The following CNTN4 variants were observed in gnomAD, a reference collection of about 807,000 sequenced individuals.
The protein encoded by CNTN4 is contactin-4.
Under a neutral mutation model 122.5 loss-of-function variants are expected in CNTN4, and 77 were observed. The observed-to-expected ratio is 0.63, with a 90% CI of 0.52 to 0.76. CNTN4 has a LOEUF of 0.76. CNTN4 is among the 30% of genes least tolerant of loss of function. CNTN4 has a pLI of 0.00. For synonymous variants in CNTN4, 512 were observed against 447.0 expected (o/e 1.15, Z -1.83); for missense variants, 1,256 against 1,259.1 (o/e 1.00, Z 0.04).
intron 4 of CNTN4, among the ~76,000 whole-genome samples, chr3:2,729,380 C>CTA (rs1559437998): frequency 1.3e-5 from 2 of 148,432 alleles, no homozygotes; most frequent in African/African-American, 2.5e-5. Flanking sequence ...CCGGCTAACA[C>CTA]AAAATTAACA....
In CNTN4 at chr3:2,543,495, C is replaced by T. The variant is rs377351032; in HGVS notation, c.-88-27921C>T. Among the ~76,000 whole-genome samples, 132 of 152,126 alleles carry T rather than the reference C, an allele frequency of 8.7e-4. 1 individual carries two copies. The highest frequency in any genetic ancestry group is 1.8e-4 in the Non-Finnish European group (12 of 67,980). On this transcript the variant is annotated intron_variant, in intron 3 of 24. Coordinates refer to ENST00000418658, the MANE Select transcript of CNTN4 (RefSeq NM_175607.3). ...CCCTGGGAGGGGATAACAGTGTGTA[C>T]GGGTTTAGCACTGGACTCTGCTGTG...
intron 4 of CNTN4, among the ~76,000 whole-genome samples, chr3:2,593,350 C>T (rs2080593441): frequency 6.6e-6 from 1 of 152,152 alleles, no homozygotes; most frequent in Non-Finnish European, 1.5e-5. Context: ...AATGAATCTA[C>T]CTCTGTTAAC....
intron 3 of CNTN4, among the ~76,000 whole-genome samples, chr3:2,546,971 T>C (rs565350347): frequency 5.2e-4 from 79 of 152,254 alleles, no homozygotes; most frequent in African/African-American, 1.9e-3. Flanking sequence ...TATTGAGTAC[T>C]TGAGAGATCC....
intron 7 of CNTN4, among the ~76,000 whole-genome samples, chr3:2,821,727 T>C (rs1576933734): frequency 6.6e-6 from 1 of 152,146 alleles, no homozygotes; most frequent in Non-Finnish European, 1.5e-5. Flanking sequence ...GTTTAATAAG[T>C]AGTAATATTT....
intron 23 of CNTN4, among the ~76,000 whole-genome samples, chr3:3,048,246 A>C (rs548197341): frequency 2.0e-5 from 3 of 152,200 alleles, no homozygotes; most frequent in Admixed American, 1.3e-4. Context: ...AAAACACACA[A>C]AAAAATACAA....
chr3:2,519,580 A>G (rs992177770), intron 3 of CNTN4, among the ~76,000 whole-genome samples: 5 of 152,174 alleles, frequency 3.3e-5, no homozygotes, highest in Non-Finnish European at 7.3e-5. Flanking sequence ...ACCCAGAACC[A>G]AAGACCTGCA....
At chr3:2,195,575 T>C (rs962582728) in intron 2 of CNTN4, among the ~76,000 whole-genome samples, 1 of 152,186 alleles carries the variant, frequency 6.6e-6, no homozygotes, top group African/African-American at 2.4e-5. Flanking sequence ...AGATAAGACA[T>C]ATGGGAGGGA....
chr3:2,869,117 T>C (rs992658531), intron 8 of CNTN4, among the ~76,000 whole-genome samples: 3 of 152,166 alleles, frequency 2.0e-5, no homozygotes, highest in Admixed American at 6.6e-5. Context: ...AGAGTTTTAA[T>C]CTTAATTAGA....
At chr3:2,560,214 C>G (rs564200109) in intron 3 of CNTN4, among the ~76,000 whole-genome samples, 2 of 151,830 alleles carry the variant, frequency 1.3e-5, no homozygotes, top group African/African-American at 4.8e-5. Context: ...AATCATGGCT[C>G]ACTGCAGCCT....
intron 2 of CNTN4, among the ~76,000 whole-genome samples, chr3:2,238,237 G>A (rs1028314445): frequency 6.6e-6 from 1 of 152,010 alleles, no homozygotes; most frequent in East Asian, 1.9e-4. Flanking sequence ...TATCTTCTAG[G>A]AATTGTATAA....
At chr3:2,158,361 ATAAT>A (rs1204347742) in intron 2 of CNTN4, among the ~76,000 whole-genome samples, 1 of 152,246 alleles carries the variant, frequency 6.6e-6, no homozygotes, top group African/African-American at 2.4e-5. Context: ...TATTTCATTA[ATAAT>A]TAAGACAGAC....
intron 2 of CNTN4, among the ~76,000 whole-genome samples, chr3:2,103,680 C>G (rs1173870449): frequency 6.6e-6 from 1 of 151,934 alleles, no homozygotes; most frequent in Non-Finnish European, 1.5e-5. Context: ...GAAAGGAAAC[C>G]CTCTTCTTTT....
chr3:2,209,684 A>G lies in CNTN4; in HGVS notation c.-145+109045A>G, dbSNP rs115159017. Among the ~76,000 whole-genome samples the G allele has an allele frequency of 6.0e-3, 911 of 152,262 alleles. 4 individuals carry two copies. The highest frequency in any genetic ancestry group is 0.021 in the African/African-American group (887 of 41,570). On this transcript the variant is annotated intron_variant, in intron 2 of 24. Transcript: ENST00000418658. ...GAGATTTTGACTTTATGTTTTATTC[A>G]GGGTCCAACGCTTGATTTTGTAGTA...
chr3:2,557,602 G>A (rs865889452), intron 3 of CNTN4, among the ~76,000 whole-genome samples: 1 of 151,950 alleles, frequency 6.6e-6, no homozygotes, highest in African/African-American at 2.4e-5. Context: ...GGTGGCGGGC[G>A]CCTGTAGTTC....
chr3:3,047,104 C>T (rs1700738334), intron 23 of CNTN4, among the ~76,000 whole-genome samples: 1 of 151,492 alleles, frequency 6.6e-6, no homozygotes. Context: ...GCACCCAATA[C>T]AGGAGCACCC....
chr3:2,164,780 T>TATA (rs1419005272), intron 2 of CNTN4, among the ~76,000 whole-genome samples: 13 of 152,232 alleles, frequency 8.5e-5, no homozygotes, highest in African/African-American at 2.6e-4. Flanking sequence ...CCAGACACAG[T>TATA]TTGCTCATGT....
intron 4 of CNTN4, among the ~76,000 whole-genome samples, chr3:2,584,493 C>A (rs2080089223): frequency 6.6e-6 from 1 of 151,856 alleles, no homozygotes; most frequent in Non-Finnish European, 1.5e-5. Context: ...CACCTGAGGC[C>A]AGGAGATCGA....
intron 23 of CNTN4, among the ~76,000 whole-genome samples, chr3:3,047,277 C>T (rs1179246494): frequency 2.0e-5 from 3 of 152,080 alleles, no homozygotes; most frequent in Admixed American, 6.5e-5. Context: ...CCAAGCAGAC[C>T]TAATAGACAT....
At chr3:2,309,291 A>G (rs1363505184) in intron 2 of CNTN4, among the ~76,000 whole-genome samples, 1 of 151,868 alleles carries the variant, frequency 6.6e-6, no homozygotes, top group Non-Finnish European at 1.5e-5. Flanking sequence ...TTTTTTGGTT[A>G]CTGTTTGCAT....
Sources: allele counts gnomAD v4.1 joint callset (sites outside exome capture counted in the v4.1 genomes callset), GRCh38; gene constraint gnomAD v4.1.1; transcripts MANE v1.5; gene names NCBI Gene and HGNC (gene_info 2026-07-23, HGNC 2026-07-21).